Variants in DUSP4 observed in about 807,000 individuals in gnomAD.
DUSP4 encodes the protein dual specificity protein phosphatase 4.
DUSP4 carries 12 observed loss-of-function variants against 27.2 expected under a neutral mutation model. The observed-to-expected ratio is 0.44, with a 90% CI of 0.28 to 0.71. The LOEUF is 0.71. Ranked by LOEUF, DUSP4 falls within the 30% of genes least tolerant of loss-of-function variation. The probability of loss-of-function intolerance (pLI) is 0.14; values close to 1 mark genes in which losing one functional copy is unlikely to be tolerated. For synonymous variants in DUSP4, 257 were observed against 245.2 expected, an observed-to-expected ratio of 1.05 and a Z score of -0.45; for missense variants, 448 against 551.3, an observed-to-expected ratio of 0.81 and a Z score of 1.88.
chr8:29,347,974 G>A, intron 1 of DUSP4: 2 of 985,506 alleles, frequency 2.0e-6, no homozygotes, highest in African/African-American at 1.7e-5. Flanking sequence ...CCCCGGGAGC[G>A]GGGCCTAAGT....
chr8:29,339,869 C>T lies in DUSP4; in HGVS notation c.579+229G>A, dbSNP rs559399955. Reference sequence around the variant, plus strand: ...TCTACCAAAAACCTTTTAAAATTAGCCAGGCATGGTAGTGCCACCTGTAGT... The same window carrying T: ...TCTACCAAAAACCTTTTAAAATTAGTCAGGCATGGTAGTGCCACCTGTAGT... On this transcript the variant is annotated intron_variant, in intron 2 of 3. Transcript: ENST00000240100. Among the ~76,000 whole-genome samples the T allele has an allele frequency of 7.1e-5, 10 of 140,800 alleles. 1 individual carries two copies. The South Asian group carries it at 2.5e-3, about 35-fold the overall frequency. 92.4% of individuals were successfully genotyped at this position (140,800 alleles called of 152,430 possible).
chr8:29,348,679 C>T (rs1817774486), intron 1 of DUSP4: 1 of 985,306 alleles, frequency 1.0e-6, no homozygotes, highest in African/African-American at 1.7e-5. Context: ...GCCCCCTTTC[C>T]AGCTCCCTTC....
intron 1 of DUSP4, 88 bp downstream of exon 1, chr8:29,349,758 G>A (rs1817792965): frequency 2.9e-6 from 4 of 1,401,300 alleles, no homozygotes; most frequent in African/African-American, 3.0e-5. Context: ...AATCACGCCG[G>A]GGACTCCTTC....
intron 1 of DUSP4, chr8:29,348,887 C>G: frequency 1.5e-6 from 1 of 688,454 alleles, no homozygotes; most frequent in Non-Finnish European, 1.8e-6. Flanking sequence ...CGCAGCGCGG[C>G]GGGGGGCGCC....
Position 29,336,287 on chromosome 8 carries a change from T to C in DUSP4, c.*739A>G, listed in dbSNP as rs1817571843. ...CCCACCCAACCCGCCTGCTTCTCAG[T>C]GGCAACAAACTCAAGTTGCTCATCA... On this transcript the variant is annotated 3_prime_UTR_variant, in exon 4 of 4. Coordinates refer to ENST00000240100, the MANE Select transcript of DUSP4 (RefSeq NM_001394.7). The C allele has an allele frequency of 6.6e-6, 1 of 152,144 alleles. No homozygotes were observed. 9.4% of individuals were successfully genotyped at this position (152,144 alleles called of 1,614,324 possible).
rs1029532752 is a variant in DUSP4 at position 29,336,091 on chromosome 8, T to G, written c.*935A>C. The G allele has an allele frequency of 6.6e-5, 10 of 152,224 alleles. No individual in the cohort carries two copies. In the East Asian group the frequency reaches 1.9e-3, roughly 29 times the overall value. 9.4% of individuals were successfully genotyped at this position (152,224 alleles called of 1,614,324 possible). ...GTGAGATGCTGTCTTTTTTTTTCTT[T>G]TCTTTTTTTTTAAAAAAGCAATTCA... is the stretch of plus-strand genomic sequence containing the variant. On this transcript the variant is annotated 3_prime_UTR_variant, in exon 4 of 4. Coordinates refer to ENST00000240100, the MANE Select transcript of DUSP4 (RefSeq NM_001394.7).
At chr8:29,339,333 A>G (rs1817622303) in intron 2 of DUSP4, among the ~76,000 whole-genome samples, 1 of 152,202 alleles carries the variant, frequency 6.6e-6, no homozygotes, top group Admixed American at 6.5e-5. Flanking sequence ...GGGTGGGCTT[A>G]TAAGAAACAC....
intron 1 of DUSP4, chr8:29,345,737 C>G: frequency 7.5e-7 from 1 of 1,342,274 alleles, no homozygotes; most frequent in Non-Finnish European, 9.5e-7. Context: ...GAAGTTGTGA[C>G]GGTCTAAAGG....
chr8:29,338,083 A>G (rs1817603992), intron 3 of DUSP4, among the ~76,000 whole-genome samples, 199 bp downstream of exon 3: 1 of 152,180 alleles, frequency 6.6e-6, no homozygotes, highest in South Asian at 2.1e-4. Context: ...TCTGCAAGCT[A>G]AGCCTGTGTG....
At position 29,334,647 on chromosome 8, in the gene DUSP4, C is replaced by A. The variant is rs1817543778; in HGVS notation, c.*2379G>T. 1 of 152,250 alleles carries A rather than the reference C, an allele frequency of 6.6e-6. No individual in the cohort carries two copies. The highest frequency in any genetic ancestry group is 1.5e-5 in the Non-Finnish European group (1 of 68,052). 9.4% of individuals were successfully genotyped at this position (152,250 alleles called of 1,614,324 possible). A position where few individuals can be genotyped will look rare whatever the true frequency, so the allele number is the denominator to read the frequency against. On this transcript the variant is annotated 3_prime_UTR_variant, in exon 4 of 4. Coordinates refer to ENST00000240100, the MANE Select transcript of DUSP4 (RefSeq NM_001394.7). ...GAATCTGTTCTGCAGGTTACCGTCCCTCCCCGCCCAAGCATCCCCTCTGTC... is the reference window on the plus strand; with the variant it reads ...GAATCTGTTCTGCAGGTTACCGTCCATCCCCGCCCAAGCATCCCCTCTGTC...
At position 29,350,444 on chromosome 8, in the gene DUSP4, C is replaced by T; in HGVS notation, c.-166G>A. 1 of 809,498 alleles carries T rather than the reference C, an allele frequency of 1.2e-6. No individual in the cohort carries two copies. Among genetic ancestry groups the T allele is most frequent in the Non-Finnish European group, 1.8e-6 (1 of 542,356 alleles). The allele number at this position is 809,498 out of a possible 1,614,324, so 50.1% of individuals were successfully genotyped here. A position where few individuals can be genotyped will look rare whatever the true frequency, so the allele number is the denominator to read the frequency against. ...GGGAGAGCCTCTTCTTCCCTGTCCC[C>T]TTCCTCCCGCAGCCTCGCGGTCACA... On this transcript the variant is annotated 5_prime_UTR_variant, in exon 1 of 4. Transcript: ENST00000240100.
intron 1 of DUSP4, chr8:29,347,918 A>G: frequency 2.0e-6 from 2 of 985,454 alleles, no homozygotes; most frequent in Non-Finnish European, 2.4e-6. Flanking sequence ...GGGACAGGGA[A>G]ATGCCGCGCG....
At chr8:29,346,467 T>C (rs551584653) in intron 1 of DUSP4, among the ~76,000 whole-genome samples, 1 of 152,334 alleles carries the variant, frequency 6.6e-6, no homozygotes, top group South Asian at 2.1e-4. Context: ...CTTTTTGTCT[T>C]TCTCTAATGA....
chr8:29,347,891 C>G, intron 1 of DUSP4: 2 of 985,624 alleles, frequency 2.0e-6, no homozygotes, highest in Non-Finnish European at 2.4e-6. Context: ...AGGGAGGACT[C>G]TCAACGGGAT....
At chr8:29,348,899 G>C in intron 1 of DUSP4, 1 of 523,620 alleles carries the variant, frequency 1.9e-6, no homozygotes, top group Non-Finnish European at 2.5e-6. Context: ...GGGGGCGCCC[G>C]GACCCCACGC....
In DUSP4 at chr8:29,333,895, T is replaced by C. The variant is rs1216503791; in HGVS notation, c.*3131A>G. The C allele has an allele frequency of 6.6e-6, 1 of 152,262 alleles. No homozygotes were observed. The highest frequency in any genetic ancestry group is 2.4e-5 in the African/African-American group (1 of 41,456). 9.4% of individuals were successfully genotyped at this position (152,262 alleles called of 1,614,324 possible). On this transcript the variant is annotated 3_prime_UTR_variant, in exon 4 of 4. Transcript: ENST00000240100. ...TGGAGTCAACTATCCTATGTCCCTC[T>C]CTCCATCTTCCCAAGATTTAAAAAC... is the stretch of plus-strand genomic sequence containing the variant.
chr8:29,342,485 G>C (rs1817669015), intron 1 of DUSP4, among the ~76,000 whole-genome samples: 1 of 152,174 alleles, frequency 6.6e-6, no homozygotes, highest in Non-Finnish European at 1.5e-5. Context: ...CCTCAGCAGA[G>C]ATCCTCAAAG....
intron 1 of DUSP4, chr8:29,348,134 G>A: frequency 1.0e-6 from 1 of 985,576 alleles, no homozygotes; most frequent in Middle Eastern, 5.2e-4. Context: ...GCCCTGCTGT[G>A]TTCTAGCTGG....
At position 29,350,040 on chromosome 8, in the gene DUSP4, G is replaced by A. The variant is rs762350544; in HGVS notation, c.239C>T (p.Ser80Phe). 7.5e-6 allele frequency: 12 copies of A among 1,596,010 alleles called. No individual in the cohort carries two copies. The highest frequency in any genetic ancestry group is 1.7e-4 in the Middle Eastern group (1 of 6,038). ...GGGCAGGATCTGCTCCAGGCTCACG[G>A]AGCCCTTAGCCCGCCGCCGCACGAT... ...NTIVRRRAKGSVSLEQILPAE... is the reference protein window; with the variant it reads ...NTIVRRRAKGFVSLEQILPAE... Residue 80 changes from serine to phenylalanine, a missense_variant, in exon 1 of 4, where the codon TCC becomes TTC. This residue lies in a region of DUSP4 where 345 missense variants were observed against 394.0 expected (regional missense o/e 0.88). Coordinates refer to ENST00000240100, the MANE Select transcript of DUSP4 (RefSeq NM_001394.7).
Sources: gnomAD v4.1 joint callset for allele counts (sites outside exome capture counted in the v4.1 genomes callset) on GRCh38, gnomAD v4.1.1 for gene constraint, gnomAD v4.1.1 regional missense constraint, MANE v1.5 for transcripts, NCBI Gene and HGNC (gene_info 2026-07-23, HGNC 2026-07-21) for gene names.